Variants in LRRC55 observed in about 807,000 individuals in gnomAD.
LRRC55 encodes the protein leucine-rich repeat-containing protein 55.
Under a neutral mutation model 20.5 loss-of-function variants are expected in LRRC55, and 11 were observed. The ratio of observed to expected loss-of-function variants is 0.54; its 90% CI spans 0.34 to 0.89. LRRC55 has a LOEUF of 0.89. LRRC55 is among the 40% of genes least tolerant of loss of function. The pLI is 0.02. For missense variants in LRRC55, 358 were observed against 390.9 expected (o/e 0.92, Z 0.71); for synonymous variants, 188 against 166.6 (o/e 1.13, Z -0.99).
rs2135330834 is a variant in LRRC55, at chr11:57,182,067, C to T, written c.45C>T (p.His15=). 1 of 1,614,210 alleles carries T rather than the reference C, an allele frequency of 6.2e-7. No individual in the cohort carries two copies. Among genetic ancestry groups the T allele is most frequent in the East Asian group, 2.2e-5 (1 of 44,880 alleles). ...WAQLPWPGPP[H]PAMLLISLLL... ...AGCTTCCCTGGCCCGGGCCACCCCA[C>T]CCAGCAATGCTGCTGATCTCCCTCC... is the stretch of plus-strand genomic sequence containing the variant. Residue 15 remains histidine, a synonymous_variant, in exon 1 of 2, where the codon CAC becomes CAT. Transcript: ENST00000497933.
At chr11:57,186,926 C>T (rs1364075115) in intron 1 of LRRC55, among the ~76,000 whole-genome samples, 1 of 152,180 alleles carries the variant, frequency 6.6e-6, no homozygotes, top group East Asian at 1.9e-4. Context: ...GGACAGACAC[C>T]TTCTGAAGCC....
chr11:57,183,437 C>T (rs1854389013), intron 1 of LRRC55, among the ~76,000 whole-genome samples: 1 of 152,170 alleles, frequency 6.6e-6, no homozygotes, highest in Non-Finnish European at 1.5e-5. Context: ...ATGAGATTGC[C>T]ACTCTACAGA....
In LRRC55 at chr11:57,185,910, A is replaced by G. The variant is rs1194522410; in HGVS notation, c.662-1335A>G. Reference sequence around the variant, plus strand: ...AGAAAAAGCAGCCCCCTCCTACAGAAGCTTGAGTGCAGAATATGACCCCCA... The same window carrying G: ...AGAAAAAGCAGCCCCCTCCTACAGAGGCTTGAGTGCAGAATATGACCCCCA... On this transcript the variant is annotated intron_variant, in intron 1 of 1. Coordinates refer to ENST00000497933, the MANE Select transcript of LRRC55 (RefSeq NM_001005210.4). Among the ~76,000 whole-genome samples, 7 of 152,082 alleles carry G rather than the reference A, an allele frequency of 4.6e-5. No individual in the cohort carries two copies. In the East Asian group the frequency reaches 1.2e-3, roughly 25 times the overall value.
At chr11:57,185,062 A>G (rs1176349644) in intron 1 of LRRC55, among the ~76,000 whole-genome samples, 1 of 152,146 alleles carries the variant, frequency 6.6e-6, no homozygotes, top group East Asian at 1.9e-4. Flanking sequence ...TTCTCCTTCC[A>G]AACCTGACTC....
intron 1 of LRRC55, 21 bp downstream of exon 1, chr11:57,182,704 G>C: frequency 6.9e-7 from 1 of 1,455,908 alleles, no homozygotes; most frequent in East Asian, 2.3e-5. Flanking sequence ...GGCAGAACGG[G>C]GCAGTCAACA....
Position 57,188,500 on chromosome 11 carries a change from G to A in LRRC55, c.*1020G>A, listed in dbSNP as rs1854464759. On this transcript the variant is annotated 3_prime_UTR_variant, in exon 2 of 2. Transcript: ENST00000497933. ...ACTTACCCACGTTAAGCATGAGGGT[G>A]AGAGAGCTATTAAATACTAAGCCCT... 6.6e-6 allele frequency: 1 copy of A among 152,266 alleles called. No individual in the cohort carries two copies. The highest frequency in any genetic ancestry group is 6.5e-5 in the Admixed American group (1 of 15,284). 9.4% of individuals were successfully genotyped at this position (152,266 alleles called of 1,614,324 possible).
intron 1 of LRRC55, among the ~76,000 whole-genome samples, chr11:57,184,500 G>A (rs980962952): frequency 2.6e-5 from 4 of 152,236 alleles, no homozygotes; most frequent in Admixed American, 1.3e-4. Context: ...CAGCTGGAAA[G>A]CCAGGTTCCC....
intron 1 of LRRC55, among the ~76,000 whole-genome samples, chr11:57,183,667 C>T (rs956828449): frequency 1.2e-4 from 19 of 152,210 alleles, no homozygotes; most frequent in Admixed American, 6.5e-5. Context: ...ATCTCAGCTA[C>T]GAGAACCTGG....
intron 1 of LRRC55, among the ~76,000 whole-genome samples, chr11:57,183,483 G>T (rs1421332056): frequency 6.6e-6 from 1 of 152,212 alleles, no homozygotes; most frequent in Non-Finnish European, 1.5e-5. Flanking sequence ...TCAGTAGCTT[G>T]TTGGAAGTTA....
chr11:57,186,563 G>A (rs1854433669), intron 1 of LRRC55, among the ~76,000 whole-genome samples: 1 of 152,186 alleles, frequency 6.6e-6, no homozygotes, highest in South Asian at 2.1e-4. Context: ...AAGTCCCAAA[G>A]GAAGTGGGGA....
In LRRC55 at chr11:57,182,433, T is replaced by A; in HGVS notation, c.411T>A (p.His137Gln). 6.2e-7 allele frequency: 1 copy of A among 1,612,656 alleles called. No homozygotes were observed. The highest frequency in any genetic ancestry group is 8.5e-7 in the Non-Finnish European group (1 of 1,180,028). The stretch of plus-strand genomic sequence containing the variant: ...CAGCCGACATGTTCCAGGAGGCCCA[T>A]GGGCTAGTCCACATCGACCTGAGCC... ...HVPADMFQEAHGLVHIDLSHN... is the reference protein window; with the variant it reads ...HVPADMFQEAQGLVHIDLSHN... The change falls in exon 1 of 2, where the codon CAT becomes CAA. Residue 137 changes from histidine to glutamine, a missense_variant. Coordinates refer to ENST00000497933, the MANE Select transcript of LRRC55 (RefSeq NM_001005210.4).
At chr11:57,183,679 T>C (rs990744327) in intron 1 of LRRC55, among the ~76,000 whole-genome samples, 6 of 152,224 alleles carry the variant, frequency 3.9e-5, no homozygotes, top group African/African-American at 1.2e-4. Flanking sequence ...AGAACCTGGC[T>C]TTCCTCAAAC....
chr11:57,182,254 A>T lies in LRRC55; in HGVS notation c.232A>T (p.Thr78Ser). Residue 78 changes from threonine (T) to serine (S), a missense_variant, in exon 1 of 2, where the codon ACA (threonine) becomes TCA (serine). By Grantham distance (58) the Thr-to-Ser change is moderately conservative. Around this residue, in one of 3 missense-constraint regions of LRRC55, gnomAD observed 175 missense variants for 164.5 expected, o/e 1.06. Coordinates refer to ENST00000497933, the MANE Select transcript of LRRC55 (RefSeq NM_001005210.4). ...CCTCAGCCTGGCCCACAACCGCATC[A>T]CAGCAGTGCCGCCTGGCTACCTCAC... Reference protein sequence around the residue: ...RNLSLAHNRITAVPPGYLTCY... With the variant: ...RNLSLAHNRISAVPPGYLTCY... The T allele has an allele frequency of 1.2e-6, 2 of 1,614,132 alleles. No individual in the cohort carries two copies. Among genetic ancestry groups the T allele is most frequent in the Non-Finnish European group, 8.5e-7 (1 of 1,180,020 alleles).
rs1854365151 is a variant in LRRC55, at chr11:57,182,178, C to T, written c.156C>T (p.Ser52=). The change falls in exon 1 of 2, where the codon AGC becomes AGT. Residue 52 remains serine (S), a synonymous_variant. Coordinates refer to ENST00000497933, the MANE Select transcript of LRRC55 (RefSeq NM_001005210.4). ...CTCRNQVVDC[S]SQRLFSVPPD... is the part of the protein sequence containing the mutation. Reference sequence around the variant, plus strand: ...GCCGTAACCAGGTGGTGGATTGTAGCAGCCAGCGGCTATTCTCCGTGCCCC... The same window carrying T: ...GCCGTAACCAGGTGGTGGATTGTAGTAGCCAGCGGCTATTCTCCGTGCCCC... 31 of 1,614,200 alleles carry T rather than the reference C, an allele frequency of 1.9e-5. No homozygotes were observed. The highest frequency in any genetic ancestry group is 2.5e-5 in the Non-Finnish European group (30 of 1,180,036).
intron 1 of LRRC55, among the ~76,000 whole-genome samples, chr11:57,186,717 G>C (rs1463887128): frequency 6.6e-6 from 1 of 152,198 alleles, no homozygotes; most frequent in Non-Finnish European, 1.5e-5. Flanking sequence ...GGGTAAGTAA[G>C]GAACAGAGTG....
At chr11:57,186,659 A>G (rs958456094) in intron 1 of LRRC55, among the ~76,000 whole-genome samples, 1 of 152,190 alleles carries the variant, frequency 6.6e-6, no homozygotes, top group African/African-American at 2.4e-5. Context: ...AAGAGGGGAC[A>G]CTCTGAGATC....
chr11:57,182,204 C>T lies in LRRC55; in HGVS notation c.182C>T (p.Pro61Leu), dbSNP rs776159974. 4.3e-6 allele frequency: 7 copies of T among 1,614,202 alleles called. No homozygotes were observed. In the Admixed American group the frequency reaches 8.3e-5, roughly 19 times the overall value. The stretch of plus-strand genomic sequence containing the variant: ...AGCCAGCGGCTATTCTCCGTGCCCC[C>T]AGACCTGCCAATGGACACCCGAAAC... ...CSSQRLFSVP[P>L]DLPMDTRNLS... Residue 61 changes from proline to leucine, a missense_variant, in exon 1 of 2, where the codon CCA becomes CTA. Pro to Leu is a moderately conservative substitution (Grantham distance 98). Transcript: ENST00000497933.
chr11:57,184,081 G>A (rs756071073), intron 1 of LRRC55, among the ~76,000 whole-genome samples: 2 of 152,226 alleles, frequency 1.3e-5, no homozygotes, highest in Admixed American at 6.5e-5. Flanking sequence ...TTTGGGGAGG[G>A]CTGTGGGTCA....
chr11:57,187,250 C>T lies in LRRC55; in HGVS notation c.667C>T (p.Gln223Ter). The T allele has an allele frequency of 1.2e-6, 2 of 1,613,376 alleles. No individual in the cohort carries two copies. The highest frequency in any genetic ancestry group is 8.5e-7 in the Non-Finnish European group (1 of 1,179,946). ...CCCTGGCTTCTGTGTTACAGATTCT[C>T]AGCTGGCTGAGTGCCGGGGCCCTCC... is the stretch of plus-strand genomic sequence containing the variant. ...NRIQRCTADS[Q>*]LAECRGPPEV... The change falls in exon 2 of 2, where the codon CAG becomes TAG. Residue 223 changes from glutamine (Q) to a stop codon, truncating the protein, a stop_gained. Coordinates refer to ENST00000497933, the MANE Select transcript of LRRC55 (RefSeq NM_001005210.4). LOFTEE classifies it high-confidence loss of function.
Sources: allele counts gnomAD v4.1 joint callset (sites outside exome capture counted in the v4.1 genomes callset), GRCh38; gene constraint gnomAD v4.1.1; regional missense constraint gnomAD v4.1.1; transcripts MANE v1.5; gene names NCBI Gene and HGNC (gene_info 2026-07-23, HGNC 2026-07-21).